CCSER1: variants seen among roughly 807,000 people sequenced by gnomAD.
CCSER1 encodes the protein serine-rich coiled-coil domain-containing protein 1.
A neutral mutation model predicts 82.0 loss-of-function variants in CCSER1; 41 were observed. The ratio of observed to expected loss-of-function variants is 0.50; its 90% CI spans 0.39 to 0.65. The LOEUF (loss-of-function observed/expected upper bound fraction) is 0.65. Among genes scored for constraint, CCSER1 ranks in the 30% least tolerant of loss-of-function variants. The probability of loss-of-function intolerance (pLI) is 0.00; values close to 1 mark genes in which losing one functional copy is unlikely to be tolerated. For missense variants in CCSER1, 1,119 were observed against 1,064.2 expected (o/e 1.05, Z -0.72); for synonymous variants, 414 against 383.9 (o/e 1.08, Z -0.92).
intron 10 of CCSER1, among the ~76,000 whole-genome samples, chr4:91,086,487 T>C (rs1365494369): frequency 2.0e-5 from 3 of 152,072 alleles, no homozygotes; most frequent in African/African-American, 7.2e-5. Flanking sequence ...ACTAACTGAA[T>C]GTGAAGACTT....
chr4:90,509,961 T>C (rs1247865071), intron 5 of CCSER1, among the ~76,000 whole-genome samples: 1 of 152,218 alleles, frequency 6.6e-6, no homozygotes, highest in Non-Finnish European at 1.5e-5. Context: ...TGGGACATAG[T>C]GATTAAATCT....
chr4:90,402,034 C>T (rs896025988), intron 4 of CCSER1, among the ~76,000 whole-genome samples: 14 of 152,282 alleles, frequency 9.2e-5, no homozygotes, highest in South Asian at 6.2e-4. Context: ...TTCCTATCCC[C>T]GTCCCAGAAG....
At chr4:91,126,893 T>TG (rs1284526229) in intron 10 of CCSER1, among the ~76,000 whole-genome samples, 1 of 151,918 alleles carries the variant, frequency 6.6e-6, no homozygotes, top group African/African-American at 2.4e-5. Context: ...ATACAGGGCC[T>TG]GGATGCAGAA....
At position 90,831,434 on chromosome 4, in the gene CCSER1, C is replaced by T. The variant is rs546702760; in HGVS notation, c.2094+15589C>T. 4.6e-5 allele frequency among the ~76,000 whole-genome samples: 7 copies of T among 152,128 alleles called. No individual in the cohort carries two copies. In the South Asian group the frequency reaches 1.5e-3, roughly 32 times the overall value. On this transcript the variant is annotated intron_variant, in intron 8 of 10. Coordinates refer to ENST00000509176, the MANE Select transcript of CCSER1 (RefSeq NM_001145065.2). ...ATTGATGAGCATTTATATATTTTTTCCTCCTCTGAACTTTGCCACAAAAGG... is the reference window on the plus strand; with the variant it reads ...ATTGATGAGCATTTATATATTTTTTTCTCCTCTGAACTTTGCCACAAAAGG...
chr4:90,202,080 A>C (rs1329295797), intron 1 of CCSER1, among the ~76,000 whole-genome samples: 1 of 152,196 alleles, frequency 6.6e-6, no homozygotes, highest in Non-Finnish European at 1.5e-5. Context: ...GTAATCTTTC[A>C]AGATATTATG....
chr4:90,158,712 T>G (rs1354725693), intron 1 of CCSER1, among the ~76,000 whole-genome samples: 1 of 152,096 alleles, frequency 6.6e-6, no homozygotes, highest in Non-Finnish European at 1.5e-5. Flanking sequence ...TGCTGCGCCG[T>G]TTTTTAAGCC....
chr4:90,293,425 A>AT (rs1324406233), intron 1 of CCSER1, among the ~76,000 whole-genome samples: 2 of 151,498 alleles, frequency 1.3e-5, no homozygotes, highest in African/African-American at 4.8e-5. Context: ...AAAAGATTTA[A>AT]TTTGTTAATA....
chr4:90,880,386 G>A (rs1362079951), intron 8 of CCSER1, among the ~76,000 whole-genome samples: 1 of 152,196 alleles, frequency 6.6e-6, no homozygotes, highest in Admixed American at 6.5e-5. Context: ...CTATGCTGTG[G>A]GTCCAAGCCA....
At chr4:90,461,965 C>T (rs1171919974) in intron 4 of CCSER1, among the ~76,000 whole-genome samples, 1 of 152,208 alleles carries the variant, frequency 6.6e-6, no homozygotes, top group East Asian at 1.9e-4. Context: ...ATTAATGCTA[C>T]TAAGGAATGA....
At chr4:90,305,598 G>A (rs895116733) in intron 1 of CCSER1, among the ~76,000 whole-genome samples, 1 of 152,270 alleles carries the variant, frequency 6.6e-6, no homozygotes, top group Non-Finnish European at 1.5e-5. Context: ...GAGCTAAAAT[G>A]TCTGTTTATG....
At chr4:91,433,895 T>A (rs1025080003) in intron 10 of CCSER1, among the ~76,000 whole-genome samples, 5 of 152,210 alleles carry the variant, frequency 3.3e-5, no homozygotes, top group Admixed American at 2.6e-4. Context: ...AAATCAGTGT[T>A]TATCACAGTA....
intron 5 of CCSER1, among the ~76,000 whole-genome samples, chr4:90,624,995 T>A (rs2148897715): frequency 6.6e-6 from 1 of 152,328 alleles, no homozygotes; most frequent in South Asian, 2.1e-4. Context: ...TTCAGTATCA[T>A]ACTCTTTCTT....
intron 2 of CCSER1, among the ~76,000 whole-genome samples, chr4:90,310,632 T>G (rs1433260210): frequency 6.6e-6 from 1 of 152,106 alleles, no homozygotes; most frequent in Non-Finnish European, 1.5e-5. Flanking sequence ...TAGGCTCCTA[T>G]GTTTCCCATT....
At chr4:90,774,147 A>G (rs1341497048) in intron 7 of CCSER1, among the ~76,000 whole-genome samples, 4 of 152,164 alleles carry the variant, frequency 2.6e-5, no homozygotes, top group South Asian at 2.1e-4. Context: ...CAAAATAACT[A>G]TAAGGTTACA....
intron 5 of CCSER1, among the ~76,000 whole-genome samples, chr4:90,497,771 G>GGTTCT (rs1203559592): frequency 1.3e-5 from 2 of 152,160 alleles, no homozygotes; most frequent in East Asian, 3.9e-4. Context: ...GAATAACTGT[G>GGTTCT]GTTCTGTTTT....
At chr4:91,151,602 T>C (rs1413636154) in intron 10 of CCSER1, among the ~76,000 whole-genome samples, 2 of 152,218 alleles carry the variant, frequency 1.3e-5, no homozygotes, top group African/African-American at 4.8e-5. Context: ...CTTTCTCTTG[T>C]GGGCATTTAG....
chr4:91,220,241 A>G (rs1389344302), intron 10 of CCSER1, among the ~76,000 whole-genome samples: 1 of 152,162 alleles, frequency 6.6e-6, no homozygotes, highest in Admixed American at 6.5e-5. Context: ...TTTAAATGTC[A>G]TAAATTGAGA....
chr4:91,328,315 T>TA (rs1451422457), intron 10 of CCSER1, among the ~76,000 whole-genome samples: 3 of 152,268 alleles, frequency 2.0e-5, no homozygotes, highest in East Asian at 3.9e-4. Flanking sequence ...TCAGGAAACT[T>TA]ACAATCATGG....
At position 91,116,815 on chromosome 4, in the gene CCSER1, C is replaced by T. The variant is rs73837272; in HGVS notation, c.2217+30821C>T. 4.3e-3 allele frequency among the ~76,000 whole-genome samples: 661 copies of T among 152,114 alleles called. 6 individuals carry two copies. The highest frequency in any genetic ancestry group is 0.015 in the African/African-American group (620 of 41,472). ...CAACCTGCATGAAGAATTAGTTTTA[C>T]CGAGTGGGAAGTTTGGGAATTATAT... On this transcript the variant is annotated intron_variant, in intron 10 of 10. Transcript: ENST00000509176.
Sources: allele counts gnomAD v4.1 joint callset (sites outside exome capture counted in the v4.1 genomes callset), GRCh38; gene constraint gnomAD v4.1.1; transcripts MANE v1.5; gene names NCBI Gene and HGNC (gene_info 2026-07-23, HGNC 2026-07-21).